Variants in MCM4 observed in about 807,000 individuals in gnomAD.
MCM4 encodes the protein DNA replication licensing factor MCM4.
MCM4 carries 60 observed loss-of-function variants against 88.7 expected under a neutral mutation model. That is an observed-to-expected ratio of 0.68 (90% confidence interval 0.55 to 0.84). MCM4 has a LOEUF of 0.84. MCM4 is among the 40% of genes least tolerant of loss of function. The pLI, the probability that MCM4 is intolerant of heterozygous loss-of-function variation, is 0.00. For synonymous variants in MCM4, 465 were observed against 410.5 expected (o/e 1.13, Z -1.61); for missense variants, 1,149 against 1,105.5 (o/e 1.04, Z -0.56).
Position 47,967,939 on chromosome 8 carries a change from T to C in MCM4, c.1174+454T>C, listed in dbSNP as rs17287628. Among the ~76,000 whole-genome samples the C allele has an allele frequency of 1.2e-3, 186 of 152,336 alleles. 1 individual carries two copies. Among genetic ancestry groups the C allele is most frequent in the South Asian group, 2.5e-3 (12 of 4,826 alleles). On this transcript the variant is annotated intron_variant, in intron 10 of 16. Coordinates refer to ENST00000649973, the MANE Select transcript of MCM4 (RefSeq NM_182746.3). ...GTATAGCCAAGGGTTAACATTTGTT[T>C]GTTACAGAGAAAAATGAGTCAGTGA...
intron 13 of MCM4, among the ~76,000 whole-genome samples, chr8:47,971,866 T>TG (rs1320749331): frequency 6.6e-6 from 1 of 151,906 alleles, no homozygotes; most frequent in Non-Finnish European, 1.5e-5. Flanking sequence ...TTTAATTACT[T>TG]GCTTTTTTTT....
In MCM4 at chr8:47,967,469, CAG is replaced by C; in HGVS notation, c.1161_1162del (p.Arg387SerfsTer20). On this transcript the variant is annotated frameshift_variant, in exon 10 of 17. Transcript: ENST00000649973. LOFTEE classifies it high-confidence loss of function. The stretch of plus-strand genomic sequence containing the variant: ...TCGTTGACAAGGTCCAGCCTGGGGA[CAG>C]AGTGAATGTTACAGGTAAGAGTGTA... ...DLVDKVQPGD[R>X]VNVTGIYRAV... 1.2e-6 allele frequency: 2 copies of C among 1,614,152 alleles called. No homozygotes were observed. The highest frequency in any genetic ancestry group is 2.2e-5 in the East Asian group (1 of 44,880).
At position 47,966,415 on chromosome 8, in the gene MCM4, G is replaced by C. The variant is rs1373791420; in HGVS notation, c.1053+8G>C. ...TTCTCTGACAAGCAGATGGTGCGCA[G>C]CCACCCTGGCCCCCCAGGCTATGCT... On this transcript the variant is annotated splice_region_variant and intron_variant, in intron 9 of 16. Coordinates refer to ENST00000649973, the MANE Select transcript of MCM4 (RefSeq NM_182746.3). 3.1e-6 allele frequency: 5 copies of C among 1,598,232 alleles called. No individual in the cohort carries two copies. Among genetic ancestry groups the C allele is most frequent in the Non-Finnish European group, 4.3e-6 (5 of 1,170,850 alleles).
intron 15 of MCM4, 51 bp downstream of exon 15, chr8:47,975,013 C>A (rs2090989525): frequency 1.4e-6 from 2 of 1,396,932 alleles, no homozygotes; most frequent in Admixed American, 1.9e-5. Context: ...TTTCAATATG[C>A]ATGTAGTTTA....
chr8:47,970,631 C>T lies in MCM4; in HGVS notation c.1555C>T (p.Leu519=). The part of the protein sequence containing the change: ...CGDPGTSKSQ[L]LQYVYNLVPR... ...CGACCCTGGTACCAGCAAGTCCCAG[C>T]TGCTGCAGTACGTGTACAACCTCGT... The change falls in exon 12 of 17, where the codon CTG becomes TTG. Residue 519 remains leucine (L), a synonymous_variant. Transcript: ENST00000649973. 3 of 1,614,148 alleles carry T rather than the reference C, an allele frequency of 1.9e-6. No homozygotes were observed. Among genetic ancestry groups the T allele is most frequent in the Non-Finnish European group, 2.5e-6 (3 of 1,180,026 alleles).
intron 8 of MCM4, 95 bp from the exon 9 acceptor site, chr8:47,966,090 CAG>C (rs2090895633): frequency 4.1e-6 from 4 of 965,740 alleles, no homozygotes; most frequent in African/African-American, 1.6e-5. Context: ...TCGCCCTAGG[CAG>C]AGTCTTGGGC....
chr8:47,961,530 G>A lies in MCM4; in HGVS notation c.85G>A (p.Ala29Thr), dbSNP rs1563829737. The change falls in exon 3 of 17, where the codon GCC (alanine) becomes ACC (threonine). Residue 29 changes from alanine (A) to threonine (T), a missense_variant. By Grantham distance (58) the Ala-to-Thr change is moderately conservative. Transcript: ENST00000649973. ...TPAQTPRSED[A>T]RSSPSQRRRG... ...TGTGACACAAGCTCGGAGTGAGGAT[G>A]CCAGGTCATCTCCCTCTCAGAGACG... is the stretch of plus-strand genomic sequence containing the variant. 6.2e-7 allele frequency: 1 copy of A among 1,614,062 alleles called. No homozygotes were observed. The highest frequency in any genetic ancestry group is 2.2e-5 in the East Asian group (1 of 44,876).
At chr8:47,966,674 T>A (rs2154505160) in intron 9 of MCM4, among the ~76,000 whole-genome samples, 1 of 152,254 alleles carries the variant, frequency 6.6e-6, no homozygotes, top group South Asian at 2.1e-4. Context: ...GCTTCAAACG[T>A]TTGAGATGAG....
At chr8:47,966,599 G>A (rs2154505157) in intron 9 of MCM4, among the ~76,000 whole-genome samples, 192 bp downstream of exon 9, 1 of 152,360 alleles carries the variant, frequency 6.6e-6, no homozygotes, top group African/African-American at 2.4e-5. Flanking sequence ...TCAGGGCACT[G>A]TCCCTGTGCT....
At chr8:47,970,382 C>T in intron 11 of MCM4, 129 bp from the exon 12 acceptor site, 2 of 1,244,046 alleles carry the variant, frequency 1.6e-6, no homozygotes, top group East Asian at 2.4e-5. Context: ...TTTCACGAGC[C>T]TTTTTATACC....
intron 9 of MCM4, among the ~76,000 whole-genome samples, 155 bp downstream of exon 9, chr8:47,966,562 A>C (rs2090900739): frequency 6.6e-6 from 1 of 152,212 alleles, no homozygotes; most frequent in Non-Finnish European, 1.5e-5. Flanking sequence ...TATGGGCTAA[A>C]TATGCAGAGC....
intron 7 of MCM4, among the ~76,000 whole-genome samples, chr8:47,963,496 T>C (rs1418208600): frequency 6.6e-6 from 1 of 151,364 alleles, no homozygotes; most frequent in African/African-American, 2.4e-5. Context: ...AAGATGAACA[T>C]TTTTTTTTCA....
chr8:47,975,619 T>C (rs2090994421), intron 15 of MCM4, 96 bp from the exon 16 acceptor site: 1 of 917,382 alleles, frequency 1.1e-6, no homozygotes, highest in Non-Finnish European at 1.5e-6. Flanking sequence ...TCGCCTTATC[T>C]TTCTAGGTGA....
chr8:47,974,562 C>T (rs2090984328), intron 14 of MCM4, 172 bp from the exon 15 acceptor site: 5 of 625,308 alleles, frequency 8.0e-6, no homozygotes, highest in South Asian at 3.8e-5. Flanking sequence ...TCTTCACCTG[C>T]GATTTCTGTG....
chr8:47,972,214 C>T (rs2090958877), intron 13 of MCM4, among the ~76,000 whole-genome samples: 1 of 141,160 alleles, frequency 7.1e-6, no homozygotes, highest in Non-Finnish European at 1.5e-5. Context: ...CTAGCTTGGG[C>T]TACAGAGTGA....
intron 13 of MCM4, among the ~76,000 whole-genome samples, chr8:47,972,235 CAAAAAAAA>C (rs779237498): frequency 4.8e-5 from 3 of 62,034 alleles, no homozygotes; most frequent in Admixed American, 1.5e-4. Context: ...GACTCTGTCT[CAAAAAAAA>C]AAAAAAAAAA....
In MCM4 at chr8:47,974,768, G is replaced by A. The variant is rs375035553; in HGVS notation, c.2171G>A (p.Arg724Gln). 2.0e-5 allele frequency: 32 copies of A among 1,614,022 alleles called. No individual in the cohort carries two copies. Among genetic ancestry groups the A allele is most frequent in the South Asian group, 9.9e-5 (9 of 91,082 alleles). ...GACATGAGGAAGATTGGCAGTAGCC[G>A]GGGAATGGTTTCTGCATACCCTCGA... The part of the protein sequence containing the change: ...YVDMRKIGSS[R>Q]GMVSAYPRQL... Residue 724 changes from arginine to glutamine, a missense_variant, in exon 15 of 17, where the codon CGG (arginine) becomes CAG (glutamine). Physicochemically the swap from Arg to Gln is conservative, Grantham distance 43. This residue lies in a region of MCM4 where 238 missense variants were observed against 241.6 expected (regional missense o/e 0.99). Transcript: ENST00000649973.
In MCM4 at chr8:47,962,037, A is replaced by C. The variant is rs780589131; in HGVS notation, c.236-16A>C. On this transcript the variant is annotated splice_polypyrimidine_tract_variant and intron_variant, in intron 3 of 16. Transcript: ENST00000649973. The stretch of plus-strand genomic sequence containing the variant: ...GTTTGATATGCCACCAGAATTTCCT[A>C]ATTTTGTTTTTATAGCTATCCCTCT... 6.2e-7 allele frequency: 1 copy of C among 1,612,996 alleles called. No individual in the cohort carries two copies.
rs2090838311 is a variant in MCM4, at chr8:47,961,671, C to T, written c.226C>T (p.His76Tyr). Residue 76 changes from histidine to tyrosine, a missense_variant, in exon 3 of 17, where the codon CAT becomes TAT. Physicochemically the swap from His to Tyr is moderately conservative, Grantham distance 83. Coordinates refer to ENST00000649973, the MANE Select transcript of MCM4 (RefSeq NM_182746.3). ...DVLFSSPPQMHSSAIPLDFDV... is the reference protein window; with the variant it reads ...DVLFSSPPQMYSSAIPLDFDV... ...GCTGTTTTCCAGCCCTCCCCAAATG[C>T]ATTCTTCAGGTGCGTGTCTGAAGAT... 3 of 1,609,026 alleles carry T rather than the reference C, an allele frequency of 1.9e-6. No homozygotes were observed. Among genetic ancestry groups the T allele is most frequent in the East Asian group, 2.2e-5 (1 of 44,794 alleles).
Sources: gnomAD v4.1 joint callset for allele counts (sites outside exome capture counted in the v4.1 genomes callset) on GRCh38, gnomAD v4.1.1 for gene constraint, gnomAD v4.1.1 regional missense constraint, MANE v1.5 for transcripts, NCBI Gene and HGNC (gene_info 2026-07-23, HGNC 2026-07-21) for gene names.